The following EPC1 variants were observed in gnomAD, a reference collection of about 807,000 sequenced individuals.
The protein encoded by EPC1 is enhancer of polycomb 1, also known as enhancer of polycomb homolog 1.
Under a neutral mutation model 98.4 loss-of-function variants are expected in EPC1, and 12 were observed. That is an observed-to-expected ratio of 0.12 (90% CI 0.08 to 0.20). The LOEUF (loss-of-function observed/expected upper bound fraction) is 0.20, where lower values mean the gene tolerates loss of function less well. Among genes scored for constraint, EPC1 ranks in the 10% least tolerant of loss-of-function variants. The probability of loss-of-function intolerance (pLI) is 1.00; values close to 1 mark genes in which losing one functional copy is unlikely to be tolerated. For missense variants in EPC1, 729 were observed against 990.5 expected, an observed-to-expected ratio of 0.74 and a Z score of 3.54; for synonymous variants, 357 against 363.9, an observed-to-expected ratio of 0.98 and a Z score of 0.21.
chr10:32,372,454 AT>A (rs1839775614), intron 1 of EPC1, among the ~76,000 whole-genome samples: 1 of 152,202 alleles, frequency 6.6e-6, no homozygotes. Context: ...TGAATCATGA[AT>A]TTACCCCCTT....
chr10:32,272,282 G>T, intron 11 of EPC1, 115 bp from the exon 12 acceptor site: 1 of 799,428 alleles, frequency 1.3e-6, no homozygotes, highest in Non-Finnish European at 1.9e-6. Flanking sequence ...GCAAACCACT[G>T]AAATCTTTCT....
chr10:32,369,230 A>C (rs1839682856), intron 1 of EPC1, among the ~76,000 whole-genome samples: 2 of 152,218 alleles, frequency 1.3e-5, no homozygotes, highest in Non-Finnish European at 2.9e-5. Context: ...ATTCTGCCAA[A>C]TTCAAAGGTA....
At chr10:32,353,387 A>C (rs1262881253) in intron 1 of EPC1, among the ~76,000 whole-genome samples, 1 of 152,192 alleles carries the variant, frequency 6.6e-6, no homozygotes, top group East Asian at 1.9e-4. Flanking sequence ...AGAATCATTT[A>C]AATGGGTTAA....
intron 1 of EPC1, among the ~76,000 whole-genome samples, chr10:32,322,381 A>G (rs1836981304): frequency 6.6e-6 from 1 of 152,192 alleles, no homozygotes; most frequent in Non-Finnish European, 1.5e-5. Flanking sequence ...ATAAGGAATC[A>G]GCTTAGTACT....
chr10:32,285,463 TTA>T (rs1836630222), intron 9 of EPC1: 1 of 168,074 alleles, frequency 5.9e-6, no homozygotes. Flanking sequence ...GGATATATTC[TTA>T]TGTTATTGAT....
intron 1 of EPC1, chr10:32,377,524 C>G (rs1298316585): frequency 1.3e-5 from 2 of 152,146 alleles, no homozygotes; most frequent in African/African-American, 4.8e-5. Context: ...AAACTGCATG[C>G]CTGTCCCTGA....
rs1355766133 is a variant in EPC1, at chr10:32,286,013, AT to A, written c.1391+680del. ...CAATTAAGAGTTGAAGATGAAAAAA[AT>A]ATATGTATAAGCCATTAGTTTATCA... is the stretch of plus-strand genomic sequence containing the variant. On this transcript the variant is annotated intron_variant, in intron 9 of 13. Coordinates refer to ENST00000319778, the MANE Select transcript of EPC1 (RefSeq NM_001272004.3). The A allele has an allele frequency of 3.3e-5, 5 of 152,362 alleles. No homozygotes were observed. The East Asian group carries it at 5.8e-4, about 18-fold the overall frequency. The allele number at this position is 152,362 out of a possible 1,614,324, so 9.4% of individuals were successfully genotyped here. A position where few individuals can be genotyped will look rare whatever the true frequency, so the allele number is the denominator to read the frequency against.
At chr10:32,309,160 T>C (rs1836050503) in intron 1 of EPC1, among the ~76,000 whole-genome samples, 1 of 152,164 alleles carries the variant, frequency 6.6e-6, no homozygotes, top group Admixed American at 6.5e-5. Context: ...GGATGGTTAA[T>C]GGGCAGAAAA....
intron 1 of EPC1, among the ~76,000 whole-genome samples, chr10:32,328,939 G>C (rs889107361): frequency 6.6e-6 from 1 of 152,202 alleles, no homozygotes; most frequent in Non-Finnish European, 1.5e-5. Flanking sequence ...AGAATTATGC[G>C]TATCACCTGG....
At chr10:32,303,666 G>A (rs1835707086) in intron 2 of EPC1, among the ~76,000 whole-genome samples, 1 of 152,222 alleles carries the variant, frequency 6.6e-6, no homozygotes, top group South Asian at 2.1e-4. Context: ...TGGTTATAAA[G>A]AAGTAAGAAG....
At chr10:32,328,439 C>A (rs1207499699) in intron 1 of EPC1, among the ~76,000 whole-genome samples, 2 of 152,208 alleles carry the variant, frequency 1.3e-5, no homozygotes, top group Non-Finnish European at 2.9e-5. Flanking sequence ...TACCAACAAA[C>A]AACCCAGAGC....
chr10:32,320,797 G>C (rs1363303992), intron 1 of EPC1, among the ~76,000 whole-genome samples: 1 of 151,998 alleles, frequency 6.6e-6, no homozygotes, highest in African/African-American at 2.4e-5. Flanking sequence ...GTGTTGGCCA[G>C]GCTGGTCTCC....
rs548125359 is a variant in EPC1, at chr10:32,364,752, C to T, written c.3+13739G>A. On this transcript the variant is annotated intron_variant, in intron 1 of 13. Coordinates refer to the EPC1 transcript ENST00000375110. ...ACATGTGATTTCTAAAGAAACTATG[C>T]CTTTGGTATTTTCTAACTATATATT... 9.2e-4 allele frequency among the ~76,000 whole-genome samples: 140 copies of T among 152,146 alleles called. 1 individual carries two copies. In the Middle Eastern group the frequency reaches 0.01, roughly 11 times the overall value.
intron 1 of EPC1, among the ~76,000 whole-genome samples, chr10:32,311,127 G>A (rs1284876740): frequency 5.9e-5 from 9 of 152,056 alleles, no homozygotes; most frequent in East Asian, 3.9e-4. Context: ...TGGCTAACAC[G>A]GTGAAACCCT....
chr10:32,336,852 G>C (rs1838007260), intron 1 of EPC1, among the ~76,000 whole-genome samples: 1 of 152,232 alleles, frequency 6.6e-6, no homozygotes. Flanking sequence ...TTGAGTAGGA[G>C]AGAGGATGGG....
chr10:32,270,026 A>G (rs1054444631), intron 13 of EPC1, among the ~76,000 whole-genome samples: 13 of 152,342 alleles, frequency 8.5e-5, no homozygotes, highest in Admixed American at 6.5e-4. Flanking sequence ...TTTACTTGTT[A>G]ACTTCTAAAC....
At chr10:32,278,369 TTGTTTTTTTTTTTTTG>T (rs1414791413) in intron 10 of EPC1, among the ~76,000 whole-genome samples, 8 of 70,440 alleles carry the variant, frequency 1.1e-4, no homozygotes, top group Admixed American at 1.8e-4. Context: ...TGGTTTTTTT[TTGTTTTTTTTTTTTTG>T]TTTTTTTTTT....
In EPC1 at chr10:32,295,177, T is replaced by A. The variant is rs555616310; in HGVS notation, c.314-1440A>T. ...TCTTTAGGGAGAGGCATGCCTTCTT[T>A]ACTTCTGTACCGCTAAGTGGAGGGT... is the stretch of plus-strand genomic sequence containing the variant. On this transcript the variant is annotated intron_variant, in intron 2 of 13. Transcript: ENST00000319778. Among the ~76,000 whole-genome samples the A allele has an allele frequency of 3.9e-5, 6 of 152,318 alleles. No individual in the cohort carries two copies. In the East Asian group the frequency reaches 1.2e-3, roughly 29 times the overall value.
chr10:32,320,656 G>A (rs1836854990), intron 1 of EPC1, among the ~76,000 whole-genome samples: 1 of 151,898 alleles, frequency 6.6e-6, no homozygotes, highest in African/African-American at 2.4e-5. Context: ...GTGCAGTGGT[G>A]TGATCTCAGC....
Sources: allele counts gnomAD v4.1 joint callset (sites outside exome capture counted in the v4.1 genomes callset), GRCh38; gene constraint gnomAD v4.1.1; transcripts MANE v1.5; gene names NCBI Gene and HGNC (gene_info 2026-07-23, HGNC 2026-07-21).